GALNT13: variants seen among roughly 807,000 people sequenced by gnomAD.
The protein encoded by GALNT13 is polypeptide N-acetylgalactosaminyltransferase 13.
Under a neutral mutation model 64.2 loss-of-function variants are expected in GALNT13, and 28 were observed. The ratio of observed to expected loss-of-function variants is 0.44; its 90% CI spans 0.32 to 0.60. The LOEUF (loss-of-function observed/expected upper bound fraction) is 0.60. GALNT13 is among the 20% of genes least tolerant of loss of function. The pLI, the probability that GALNT13 is intolerant of heterozygous loss-of-function variation, is 0.05. For synonymous variants in GALNT13, 214 were observed against 224.6 expected (o/e 0.95, Z 0.42); for missense variants, 577 against 669.8 (o/e 0.86, Z 1.53).
chr2:153,201,403 A>T, the GALNT13 span, among the ~76,000 whole-genome samples: 1 of 152,238 alleles, frequency 6.6e-6, no homozygotes, highest in African/African-American at 2.4e-5. Context: ...ATTGATCTGC[A>T]TCCTAATTCC....
At chr2:153,861,572 T>C in the GALNT13 span, among the ~76,000 whole-genome samples, 1 of 50,234 alleles carries the variant, frequency 2.0e-5, no homozygotes, top group African/African-American at 7.7e-5. Context: ...TTTTTTTTTT[T>C]TTTTTTTTTT....
chr2:153,620,698 A>C, the GALNT13 span, among the ~76,000 whole-genome samples: 1 of 151,910 alleles, frequency 6.6e-6, no homozygotes, highest in Non-Finnish European at 1.5e-5. Context: ...CGGTTTCCTC[A>C]ACACAACTAT....
chr2:153,355,027 G>A, the GALNT13 span, among the ~76,000 whole-genome samples: 5 of 152,174 alleles, frequency 3.3e-5, no homozygotes, highest in African/African-American at 1.2e-4. Flanking sequence ...TCCCAATCTA[G>A]GGCATCAAAT....
At chr2:153,866,650 C>G in the GALNT13 span, among the ~76,000 whole-genome samples, 1 of 151,944 alleles carries the variant, frequency 6.6e-6, no homozygotes, top group Non-Finnish European at 1.5e-5. Context: ...GTTACAAAAC[C>G]TATAATAATA....
chr2:154,384,991 A>G (rs1016944253), intron 9 of GALNT13, among the ~76,000 whole-genome samples: 2 of 151,642 alleles, frequency 1.3e-5, no homozygotes, highest in African/African-American at 4.8e-5. Flanking sequence ...GAGATGGGAA[A>G]ACATATTTGC....
the GALNT13 span, among the ~76,000 whole-genome samples, chr2:153,480,677 C>T: frequency 4.8e-3 from 729 of 152,086 alleles, 22 homozygotes; most frequent in East Asian, 0.071. Flanking sequence ...GAAAAAATTA[C>T]AACAAATTTA....
the GALNT13 span, among the ~76,000 whole-genome samples, chr2:153,145,177 A>G: frequency 6.6e-6 from 1 of 151,906 alleles, no homozygotes; most frequent in Non-Finnish European, 1.5e-5. Context: ...GAGCATATAT[A>G]TAAGTGTATG....
At chr2:153,866,997 T>C (rs945449467), upstream of GALNT13, among the ~76,000 whole-genome samples, 1 of 152,218 alleles carries the variant, frequency 6.6e-6, no homozygotes, top group African/African-American at 2.4e-5. Context: ...ATGGATTTTA[T>C]CAAATCTATT....
At chr2:153,884,169 T>G (rs2105246999) in intron 1 of GALNT13, among the ~76,000 whole-genome samples, 1 of 152,124 alleles carries the variant, frequency 6.6e-6, no homozygotes, top group East Asian at 1.9e-4. Flanking sequence ...GAATAATGAC[T>G]ACATTAGGAG....
chr2:153,391,683 G>A, the GALNT13 span, among the ~76,000 whole-genome samples: 1 of 151,966 alleles, frequency 6.6e-6, no homozygotes, highest in African/African-American at 2.4e-5. Context: ...TTATGATAGA[G>A]TATGAACTTG....
rs146885826 is a variant in GALNT13, at chr2:154,173,372, TTTAAA to T, written c.311+32887_311+32891del. On this transcript the variant is annotated intron_variant, in intron 4 of 12. Transcript: ENST00000392825. ...AAATTTAATTAATTAAATTTAAATTTTTAAATTAAATTAAATTAAATTAATAGATT... is the reference window on the plus strand; with the variant it reads ...AAATTTAATTAATTAAATTTAAATTTTTAAATTAAATTAAATTAATAGATT... 5.8e-3 allele frequency among the ~76,000 whole-genome samples: 872 copies of T among 151,530 alleles called. 11 individuals carry two copies. Among genetic ancestry groups the T allele is most frequent in the African/African-American group, 0.02 (810 of 41,494 alleles).
intron 9 of GALNT13, among the ~76,000 whole-genome samples, chr2:154,372,063 G>A (rs1697723134): frequency 6.6e-6 from 1 of 152,040 alleles, no homozygotes; most frequent in African/African-American, 2.4e-5. Flanking sequence ...CATCAAGAAT[G>A]GGAAATAAAG....
the GALNT13 span, among the ~76,000 whole-genome samples, chr2:153,361,000 G>C: frequency 3.3e-5 from 5 of 152,154 alleles, no homozygotes; most frequent in East Asian, 9.7e-4. Context: ...CTCAAGGTCA[G>C]AGATCCCAGT....
chr2:153,953,542 A>G (rs1248547471), intron 3 of GALNT13, among the ~76,000 whole-genome samples: 3 of 152,172 alleles, frequency 2.0e-5, no homozygotes, highest in Non-Finnish European at 4.4e-5. Flanking sequence ...ATTATAGTGT[A>G]AGTTCACAAA....
chr2:153,574,496 C>T, the GALNT13 span, among the ~76,000 whole-genome samples: 4 of 152,154 alleles, frequency 2.6e-5, no homozygotes, highest in East Asian at 7.8e-4. Context: ...ATTTGCCCTT[C>T]TGAGGCTATT....
At chr2:154,096,753 C>G (rs1461719070) in intron 3 of GALNT13, among the ~76,000 whole-genome samples, 1 of 151,914 alleles carries the variant, frequency 6.6e-6, no homozygotes, top group Non-Finnish European at 1.5e-5. Context: ...TGAAGAGCAC[C>G]AATAAATAGC....
intron 11 of GALNT13, among the ~76,000 whole-genome samples, chr2:154,423,124 C>T (rs1700327163): frequency 6.9e-6 from 1 of 144,512 alleles, no homozygotes; most frequent in Non-Finnish European, 1.5e-5. Flanking sequence ...CAAGTGTTCT[C>T]ATTGTTCATT....
At chr2:154,068,801 G>C (rs994019582) in intron 3 of GALNT13, among the ~76,000 whole-genome samples, 1 of 151,982 alleles carries the variant, frequency 6.6e-6, no homozygotes, top group Non-Finnish European at 1.5e-5. Context: ...ATAATCTCTA[G>C]TATTTGATAA....
intron 3 of GALNT13, among the ~76,000 whole-genome samples, chr2:154,134,087 T>C: frequency 6.6e-6 from 1 of 152,108 alleles, no homozygotes. Context: ...ACATATCATT[T>C]CTATTCTCGG....
Sources: gnomAD v4.1 joint callset for allele counts (sites outside exome capture counted in the v4.1 genomes callset) on GRCh38, gnomAD v4.1.1 for gene constraint, MANE v1.5 for transcripts, NCBI Gene and HGNC (gene_info 2026-07-23, HGNC 2026-07-21) for gene names.